Variants in PSD3 observed in about 807,000 individuals in gnomAD.
The protein encoded by PSD3 is pleckstrin and Sec7 domain containing 3, also known as PH and SEC7 domain-containing protein 3.
Under a neutral mutation model 105.5 loss-of-function variants are expected in PSD3, and 49 were observed. The ratio of observed to expected loss-of-function variants is 0.46; its 90% CI spans 0.37 to 0.59. The LOEUF is 0.59. PSD3 is among the 20% of genes least tolerant of loss of function. PSD3 has a pLI of 0.00. For synonymous variants in PSD3, 557 were observed against 457.8 expected (o/e 1.22, Z -2.77); for missense variants, 1,561 against 1,263.8 (o/e 1.24, Z -3.57).
intron 10 of PSD3, among the ~76,000 whole-genome samples, chr8:18,637,261 T>G (rs907179181): frequency 6.6e-5 from 10 of 152,246 alleles, no homozygotes; most frequent in Non-Finnish European, 1.2e-4. Flanking sequence ...AATGGTTAGG[T>G]GAAAAACACA....
intron 11 of PSD3, among the ~76,000 whole-genome samples, chr8:18,619,116 T>C (rs1261156014): frequency 2.0e-5 from 3 of 152,088 alleles, no homozygotes; most frequent in Non-Finnish European, 4.4e-5. Flanking sequence ...GTCTATCTAG[T>C]GTAAACAAAT....
intron 9 of PSD3, among the ~76,000 whole-genome samples, chr8:18,729,916 A>G (rs1379867424): frequency 4.6e-5 from 7 of 152,088 alleles, no homozygotes; most frequent in Admixed American, 4.6e-4. Flanking sequence ...CCCAGTAAAA[A>G]CTCTTATTTA....
At chr8:18,859,802 C>T (rs1302039282) in intron 4 of PSD3, among the ~76,000 whole-genome samples, 5 of 152,202 alleles carry the variant, frequency 3.3e-5, no homozygotes, top group Non-Finnish European at 5.9e-5. Context: ...GCTCTGGCTT[C>T]GGCTTAAGGA....
intron 1 of PSD3, among the ~76,000 whole-genome samples, chr8:18,980,473 T>C (rs1240817765): frequency 6.6e-6 from 1 of 152,184 alleles, no homozygotes; most frequent in Admixed American, 6.5e-5. Context: ...GGTTGGTTGG[T>C]TGGGTTTTAT....
At chr8:18,539,841 C>T (rs998751965) in intron 15 of PSD3, among the ~76,000 whole-genome samples, 6 of 152,000 alleles carry the variant, frequency 3.9e-5, no homozygotes, top group Non-Finnish European at 7.4e-5. Flanking sequence ...GCACCACACT[C>T]GGCCAGTAAA....
At chr8:18,753,332 G>A in intron 9 of PSD3, among the ~76,000 whole-genome samples, 1 of 151,192 alleles carries the variant, frequency 6.6e-6, no homozygotes, top group Admixed American at 6.6e-5. Flanking sequence ...CCAGCCTAGG[G>A]GACAGAGCGA....
chr8:18,840,403 T>C (rs1814521808), intron 4 of PSD3, among the ~76,000 whole-genome samples: 1 of 152,190 alleles, frequency 6.6e-6, no homozygotes, highest in African/African-American at 2.4e-5. Context: ...CCCTAGTTGG[T>C]CTACTCAAGC....
chr8:18,821,701 A>ATG, intron 4 of PSD3, among the ~76,000 whole-genome samples: 1 of 137,678 alleles, frequency 7.3e-6, no homozygotes, highest in African/African-American at 2.6e-5. Context: ...ACACACACAC[A>ATG]CACACACACA....
rs528015181 is a variant in PSD3 at position 19,022,711 on chromosome 8, G to A, written c.324+61495C>T. ...ACTCCTTTTACTAGGCTTGGGGCTG[G>A]AGAGTAGCACCCAGCTCTCTTCCAG... On this transcript the variant is annotated intron_variant, in intron 1 of 1. Coordinates refer to the PSD3 transcript ENST00000521475. Among the ~76,000 whole-genome samples the A allele has an allele frequency of 2.0e-5, 3 of 152,274 alleles. No individual in the cohort carries two copies. In the South Asian group the frequency reaches 6.2e-4, roughly 32 times the overall value.
chr8:18,750,993 G>T lies in PSD3; in HGVS notation c.2172+14456C>A, dbSNP rs532494706. Reference sequence around the variant, plus strand: ...CAGCTGGCTTCACCCAGTGGATCCCGCACCGGGGCTGCAGGTGGAGCTGCC... The same window carrying T: ...CAGCTGGCTTCACCCAGTGGATCCCTCACCGGGGCTGCAGGTGGAGCTGCC... On this transcript the variant is annotated intron_variant, in intron 9 of 15. Coordinates refer to ENST00000327040, the MANE Select transcript of PSD3 (RefSeq NM_015310.4). Among the ~76,000 whole-genome samples the T allele has an allele frequency of 7.4e-4, 112 of 152,250 alleles. 1 individual carries two copies. Among genetic ancestry groups the T allele is most frequent in the South Asian group, 2.3e-3 (11 of 4,812 alleles).
At chr8:18,620,783 A>T (rs1035701968) in intron 11 of PSD3, among the ~76,000 whole-genome samples, 17 of 152,338 alleles carry the variant, frequency 1.1e-4, no homozygotes, top group African/African-American at 3.4e-4. Context: ...CATCTTTTGC[A>T]TATACATTCT....
chr8:18,896,604 G>T (rs1380309511), intron 2 of PSD3, among the ~76,000 whole-genome samples: 1 of 151,990 alleles, frequency 6.6e-6, no homozygotes, highest in Non-Finnish European at 1.5e-5. Context: ...GTAGAGATGA[G>T]GTTTCACCAG....
chr8:19,001,186 C>G (rs1245577975), intron 1 of PSD3, among the ~76,000 whole-genome samples: 1 of 151,554 alleles, frequency 6.6e-6, no homozygotes, highest in Admixed American at 6.6e-5. Flanking sequence ...CCTTGACCTC[C>G]TAGGCTCAAG....
rs113927045 is a variant in PSD3 at position 18,775,356 on chromosome 8, C to T, written c.2083-9818G>A. 8.8e-3 allele frequency among the ~76,000 whole-genome samples: 1,346 copies of T among 152,204 alleles called. 25 individuals carry two copies. The highest frequency in any genetic ancestry group is 0.031 in the African/African-American group (1,291 of 41,532). On this transcript the variant is annotated intron_variant, in intron 8 of 15. Coordinates refer to ENST00000327040, the MANE Select transcript of PSD3 (RefSeq NM_015310.4). ...AGACATTTCTTGAATATACTGACTTCGTTTCTTTTAAATATATACCAAGCA... is the reference window on the plus strand; with the variant it reads ...AGACATTTCTTGAATATACTGACTTTGTTTCTTTTAAATATATACCAAGCA...
intron 9 of PSD3, among the ~76,000 whole-genome samples, chr8:18,695,509 T>C (rs1801209716): frequency 6.6e-6 from 1 of 152,192 alleles, no homozygotes; most frequent in Non-Finnish European, 1.5e-5. Context: ...CTATTCCCCC[T>C]TAAGGGGCAT....
intron 4 of PSD3, among the ~76,000 whole-genome samples, chr8:18,813,502 C>T (rs1005369856): frequency 2.6e-5 from 4 of 152,126 alleles, no homozygotes; most frequent in South Asian, 2.1e-4. Context: ...CACCAAAGTG[C>T]GCCAAAGAAA....
intron 4 of PSD3, among the ~76,000 whole-genome samples, chr8:18,812,390 T>C (rs1216690282): frequency 6.6e-6 from 1 of 152,218 alleles, no homozygotes; most frequent in African/African-American, 2.4e-5. Flanking sequence ...ATGGTTAATA[T>C]TGAAGGGTTC....
chr8:19,078,602 C>T (rs1470087180), intron 1 of PSD3, among the ~76,000 whole-genome samples: 1 of 151,948 alleles, frequency 6.6e-6, no homozygotes, highest in African/African-American at 2.4e-5. Context: ...CCCAGACCTC[C>T]ATGGTGTAAC....
chr8:18,931,667 T>C (rs959095537), intron 2 of PSD3, among the ~76,000 whole-genome samples: 2 of 152,216 alleles, frequency 1.3e-5, no homozygotes, highest in African/African-American at 2.4e-5. Flanking sequence ...TGATGGGCTC[T>C]GAACAGTTCA....
Sources: allele counts gnomAD v4.1 joint callset (sites outside exome capture counted in the v4.1 genomes callset), GRCh38; gene constraint gnomAD v4.1.1; transcripts MANE v1.5; gene names NCBI Gene and HGNC (gene_info 2026-07-23, HGNC 2026-07-21).